Variants in AFF3 observed in about 807,000 individuals in gnomAD.
The protein encoded by AFF3 is ALF transcription elongation factor 3.
In AFF3, 32 loss-of-function variants were observed where a neutral mutation model predicts 129.7. The ratio of observed to expected loss-of-function variants is 0.25; its 90% CI spans 0.19 to 0.33. The LOEUF is 0.33. Ranked by LOEUF, AFF3 falls within the 10% of genes least tolerant of loss-of-function variation. AFF3 has a pLI of 1.00. For missense variants in AFF3, 1,373 were observed against 1,592.0 expected (o/e 0.86, Z 2.34); for synonymous variants, 644 against 635.4 (o/e 1.01, Z -0.20).
intron 22 of AFF3, 68 bp from the exon 23 acceptor site, chr2:99,554,800 G>A (rs1674770148): frequency 6.3e-6 from 10 of 1,577,186 alleles, no homozygotes; most frequent in Non-Finnish European, 7.8e-6. Flanking sequence ...ACATGAACGT[G>A]TTTTCAGGTG....
chr2:99,930,081 C>G (rs1006288396), intron 7 of AFF3, among the ~76,000 whole-genome samples: 1 of 152,118 alleles, frequency 6.6e-6, no homozygotes, highest in South Asian at 2.1e-4. Flanking sequence ...AACACTGATT[C>G]TGGGCTAAGA....
intron 7 of AFF3, among the ~76,000 whole-genome samples, chr2:99,913,637 G>A (rs560807996): frequency 6.6e-5 from 10 of 152,236 alleles, no homozygotes; most frequent in African/African-American, 1.4e-4. Context: ...TACCATGTCC[G>A]CAATCAAAGG....
intron 10 of AFF3, among the ~76,000 whole-genome samples, chr2:99,736,933 G>C (rs922478008): frequency 6.6e-6 from 1 of 152,040 alleles, no homozygotes; most frequent in East Asian, 1.9e-4. Flanking sequence ...TTTAATTTAT[G>C]CTACCATATT....
intron 4 of AFF3, among the ~76,000 whole-genome samples, chr2:100,086,736 G>T (rs949406273): frequency 1.3e-5 from 2 of 152,164 alleles, no homozygotes; most frequent in Admixed American, 1.3e-4. Flanking sequence ...GTTGTCCAAT[G>T]CCTGGCTACT....
intron 7 of AFF3, among the ~76,000 whole-genome samples, chr2:99,935,806 A>G (rs1365417926): frequency 6.6e-6 from 1 of 152,206 alleles, no homozygotes; most frequent in Non-Finnish European, 1.5e-5. Context: ...TCCCCTCACA[A>G]TTTGAATACA....
chr2:99,726,349 A>G (rs116106827), intron 11 of AFF3, among the ~76,000 whole-genome samples: 1,748 of 152,358 alleles, frequency 0.011, 43 homozygotes, highest in African/African-American at 0.04. Context: ...CCTATCTTAT[A>G]ATAAGAAAAC....
chr2:99,985,481 A>C (rs1679779114), intron 7 of AFF3, among the ~76,000 whole-genome samples: 1 of 152,206 alleles, frequency 6.6e-6, no homozygotes, highest in South Asian at 2.1e-4. Context: ...ACCTTTTTAA[A>C]GGTAAATTGG....
At chr2:99,841,563 G>A (rs1453942347) in intron 7 of AFF3, among the ~76,000 whole-genome samples, 1 of 152,212 alleles carries the variant, frequency 6.6e-6, no homozygotes, top group African/African-American at 2.4e-5. Flanking sequence ...ACTGAGAAAT[G>A]TTCTGGGGAC....
chr2:99,873,058 G>A (rs1326872080), intron 7 of AFF3, among the ~76,000 whole-genome samples: 1 of 152,202 alleles, frequency 6.6e-6, no homozygotes, highest in Non-Finnish European at 1.5e-5. Context: ...TCTTTAAAGT[G>A]AAATAGTGTT....
intron 1 of AFF3, among the ~76,000 whole-genome samples, chr2:100,141,563 A>G (rs1298833207): frequency 6.6e-6 from 1 of 152,278 alleles, no homozygotes; most frequent in Admixed American, 6.5e-5. Flanking sequence ...GTTTACCACC[A>G]CTTTGTTATT....
At chr2:100,071,803 A>G (rs1486570984) in intron 4 of AFF3, among the ~76,000 whole-genome samples, 3 of 152,160 alleles carry the variant, frequency 2.0e-5, no homozygotes, top group African/African-American at 7.2e-5. Flanking sequence ...TCCTCCGTGA[A>G]TCAACTGTCT....
chr2:99,900,867 G>A (rs563921765), intron 7 of AFF3, among the ~76,000 whole-genome samples: 7 of 152,304 alleles, frequency 4.6e-5, no homozygotes, highest in African/African-American at 1.2e-4. Context: ...CGCAAAATAG[G>A]TCTGGCTCAA....
intron 7 of AFF3, among the ~76,000 whole-genome samples, chr2:99,958,105 A>T (rs1466230754): frequency 6.6e-6 from 1 of 152,172 alleles, no homozygotes; most frequent in Non-Finnish European, 1.5e-5. Flanking sequence ...TCCAAACAAG[A>T]CCGAACAGAC....
intron 8 of AFF3, among the ~76,000 whole-genome samples, chr2:99,761,680 A>G (rs1299676764): frequency 6.6e-6 from 1 of 152,224 alleles, no homozygotes; most frequent in Non-Finnish European, 1.5e-5. Flanking sequence ...TTTAGCTTAC[A>G]ATAGGTTCAA....
At position 100,092,578 on chromosome 2, in the gene AFF3, T is replaced by TGCTCCCA. The variant is rs1689951305; in HGVS notation, c.53+11817_53+11823dup. ...AAGCCATGCAAGGCCCTCTGAGAGC[T>TGCTCCCA]GCTCCCAGCTCCACTGCCCAACCTC... On this transcript the variant is annotated intron_variant, in intron 4 of 24. Coordinates refer to ENST00000672756, the MANE Select transcript of AFF3 (RefSeq NM_001386135.1). 2.6e-5 allele frequency among the ~76,000 whole-genome samples: 4 copies of TGCTCCCA among 152,356 alleles called. No homozygotes were observed. In the South Asian group the frequency reaches 8.3e-4, roughly 32 times the overall value.
In AFF3 at chr2:99,593,700, C is replaced by T. The variant is rs1678973020; in HGVS notation, c.1961G>A (p.Gly654Glu). 1.2e-6 allele frequency: 2 copies of T among 1,609,262 alleles called. No homozygotes were observed. The highest frequency in any genetic ancestry group is 1.7e-6 in the Non-Finnish European group (2 of 1,177,066). ...SVTCEKRRTRGLSRIVPKSKE... is the reference protein window; with the variant it reads ...SVTCEKRRTRELSRIVPKSKE... ...GGATTTGGGGACGATCCTGCTTAGC[C>T]CCCGCGTGCGGCGCTTCTCGCAGGT... Residue 654 changes from glycine (G) to glutamate (E), a missense_variant, in exon 15 of 25, where the codon GGG becomes GAG. Coordinates refer to ENST00000672756, the MANE Select transcript of AFF3 (RefSeq NM_001386135.1).
intron 7 of AFF3, among the ~76,000 whole-genome samples, chr2:99,867,370 C>T (rs559092510): frequency 7.9e-5 from 12 of 151,966 alleles, no homozygotes; most frequent in Admixed American, 3.3e-4. Context: ...TGAGATAAGG[C>T]GGCTCTCCCC....
At chr2:99,693,855 T>A (rs1483836375) in intron 11 of AFF3, among the ~76,000 whole-genome samples, 1 of 152,144 alleles carries the variant, frequency 6.6e-6, no homozygotes, top group Non-Finnish European at 1.5e-5. Context: ...TTATTTCCAA[T>A]GTTAAGTTAT....
intron 11 of AFF3, among the ~76,000 whole-genome samples, chr2:99,720,054 C>A (rs765886268): frequency 1.3e-5 from 2 of 152,008 alleles, no homozygotes; most frequent in Non-Finnish European, 2.9e-5. Flanking sequence ...AATAAATAAA[C>A]AAACAAACAA....
Sources: gnomAD v4.1 joint callset for allele counts (sites outside exome capture counted in the v4.1 genomes callset) on GRCh38, gnomAD v4.1.1 for gene constraint, MANE v1.5 for transcripts, NCBI Gene and HGNC (gene_info 2026-07-23, HGNC 2026-07-21) for gene names.